UBE2O: variants seen among roughly 807,000 people sequenced by gnomAD.
The protein encoded by UBE2O is (E3-independent) E2 ubiquitin-conjugating enzyme.
In UBE2O, 15 loss-of-function variants were observed where a neutral mutation model predicts 125.8. The ratio of observed to expected loss-of-function variants is 0.12; its 90% CI spans 0.08 to 0.18. The LOEUF (loss-of-function observed/expected upper bound fraction) is 0.18. Among genes scored for constraint, UBE2O ranks in the 10% least tolerant of loss-of-function variants. UBE2O has a pLI of 1.00. For synonymous variants in UBE2O, 708 were observed against 703.2 expected (o/e 1.01, Z -0.11); for missense variants, 1,280 against 1,723.6 (o/e 0.74, Z 4.56).
intron 1 of UBE2O, among the ~76,000 whole-genome samples, chr17:76,425,090 C>G (rs1187488349): frequency 6.6e-6 from 1 of 151,520 alleles, no homozygotes; most frequent in Non-Finnish European, 1.5e-5. Flanking sequence ...CCAGGATGGT[C>G]TCGATCTCCT....
At chr17:76,439,512 C>T (rs778108432) in intron 1 of UBE2O, among the ~76,000 whole-genome samples, 7 of 152,190 alleles carry the variant, frequency 4.6e-5, no homozygotes, top group East Asian at 1.9e-4. Context: ...TGTGTGATGA[C>T]GTCACTGCTC....
intron 15 of UBE2O, 102 bp from the exon 16 acceptor site, chr17:76,392,215 T>G: frequency 1.4e-6 from 1 of 706,650 alleles, no homozygotes; most frequent in Non-Finnish European, 2.2e-6. Context: ...CAGGACACTG[T>G]GCAGATCACG....
chr17:76,420,426 T>C (rs2072690108), intron 1 of UBE2O, among the ~76,000 whole-genome samples: 1 of 152,166 alleles, frequency 6.6e-6, no homozygotes, highest in Non-Finnish European at 1.5e-5. Flanking sequence ...TCCTAATACC[T>C]GTGATTTTAG....
Position 76,400,410 on chromosome 17 carries a change from C to A in UBE2O, c.1004+31G>T. ...CCCAGAGCCCTGTCCCACGCGTGCC[C>A]CTGGGTTGCTGGCAGTAAGGGCATG... is the stretch of plus-strand genomic sequence containing the variant. On this transcript the variant is annotated intron_variant, in intron 7 of 17. Transcript: ENST00000319380. This position sits in a 1 kb window ranked among gnomAD's most constrained non-coding sequence, Gnocchi z 4.3. The A allele has an allele frequency of 6.2e-7, 1 of 1,601,806 alleles. No individual in the cohort carries two copies. Among genetic ancestry groups the A allele is most frequent in the Non-Finnish European group, 8.5e-7 (1 of 1,172,490 alleles).
intron 15 of UBE2O, among the ~76,000 whole-genome samples, 182 bp from the exon 16 acceptor site, chr17:76,392,295 C>T (rs1030384584): frequency 1.3e-5 from 2 of 152,048 alleles, no homozygotes; most frequent in Admixed American, 6.6e-5. Flanking sequence ...TCTCTCTCTG[C>T]AGAACAGCCT....
chr17:76,438,958 C>T (rs1452667622), intron 1 of UBE2O, among the ~76,000 whole-genome samples: 2 of 152,192 alleles, frequency 1.3e-5, no homozygotes, highest in Non-Finnish European at 2.9e-5. Flanking sequence ...GGCTTCCTAG[C>T]TCCCCACATT....
In UBE2O at chr17:76,452,716, C is replaced by T; in HGVS notation, c.417+9G>A. The T allele has an allele frequency of 1.4e-6, 2 of 1,400,902 alleles. No homozygotes were observed. Among genetic ancestry groups the T allele is most frequent in the Non-Finnish European group, 1.8e-6 (2 of 1,087,046 alleles). 86.8% of individuals were successfully genotyped at this position (1,400,902 alleles called of 1,614,324 possible). A position where few individuals can be genotyped will look rare whatever the true frequency, so the allele number is the denominator to read the frequency against. ...GCCGCCCGCGCCGCCCAGCCCCCGCCCGCCGCACCTTGGTCTCCTTCACAT... is the reference window on the plus strand; with the variant it reads ...GCCGCCCGCGCCGCCCAGCCCCCGCTCGCCGCACCTTGGTCTCCTTCACAT... On this transcript the variant is annotated intron_variant, in intron 1 of 17. Transcript: ENST00000319380. This position sits in a 1 kb window ranked among gnomAD's most constrained non-coding sequence, Gnocchi z 4.4.
At chr17:76,392,343 C>G (rs2072127830) in intron 15 of UBE2O, among the ~76,000 whole-genome samples, 1 of 151,882 alleles carries the variant, frequency 6.6e-6, no homozygotes, top group African/African-American at 2.4e-5. Context: ...TTGCTGTGTC[C>G]CCCAGGCTGG....
In UBE2O at chr17:76,391,684, AG is replaced by A. The variant is rs202124321; in HGVS notation, c.3208+71del. The A allele has an allele frequency of 1.4e-3, 2,322 of 1,605,268 alleles. 33 individuals carry two copies. The African/African-American group carries it at 0.026, about 18-fold the overall frequency. On this transcript the variant is annotated intron_variant, in intron 17 of 17. Transcript: ENST00000319380. The surrounding 1 kb of genome is among the most constrained non-coding windows in gnomAD (Gnocchi z 8.4). ...AATGCAGGCCTACCCTCCACCTGCC[AG>A]GGGGACTATCAGAGTCACTTTCCTC...
chr17:76,440,621 C>A (rs1419941803), intron 1 of UBE2O, among the ~76,000 whole-genome samples: 1 of 152,226 alleles, frequency 6.6e-6, no homozygotes, highest in East Asian at 1.9e-4. Context: ...AGCCACCATG[C>A]CTGGCCTCTA....
Position 76,396,482 on chromosome 17 carries a change from T to C in UBE2O, c.2455A>G (p.Lys819Glu). 1 of 1,613,994 alleles carries C rather than the reference T, an allele frequency of 6.2e-7. No homozygotes were observed. Among genetic ancestry groups the C allele is most frequent in the Non-Finnish European group, 8.5e-7 (1 of 1,179,978 alleles). The part of the protein sequence containing the change: ...KSFRELKEAI[K>E]ILESLKNMTV... ...ATGTTCTTGAGGCTCTCCAGGATCT[T>C]GATGGCCTCTTTCAACTCCCGGAAG... Residue 819 changes from lysine (K) to glutamate (E), a missense_variant, in exon 14 of 18, where the codon AAG becomes GAG. By Grantham distance (56) the Lys-to-Glu change is moderately conservative. Transcript: ENST00000319380. This position sits in a 1 kb window ranked among gnomAD's most constrained non-coding sequence, Gnocchi z 6.7.
chr17:76,450,602 G>C (rs1473840987), intron 1 of UBE2O, among the ~76,000 whole-genome samples: 1 of 151,540 alleles, frequency 6.6e-6, no homozygotes, highest in Non-Finnish European at 1.5e-5. Context: ...ATCCAAAGTG[G>C]TGCCTCAAAG....
chr17:76,437,622 C>T (rs920650315), intron 1 of UBE2O, among the ~76,000 whole-genome samples: 5 of 152,186 alleles, frequency 3.3e-5, no homozygotes, highest in African/African-American at 1.2e-4. Context: ...ACCACAATGC[C>T]CAGGCTGGCC....
intron 1 of UBE2O, among the ~76,000 whole-genome samples, chr17:76,442,063 C>A (rs1236887585): frequency 2.0e-5 from 3 of 150,790 alleles, no homozygotes; most frequent in Non-Finnish European, 3.0e-5. Context: ...GTGGAATCTG[C>A]CATTTGTCAA....
chr17:76,409,117 C>T (rs908506221), intron 1 of UBE2O, among the ~76,000 whole-genome samples: 5 of 151,606 alleles, frequency 3.3e-5, no homozygotes, highest in East Asian at 2.0e-4. Flanking sequence ...TACAGGCGCC[C>T]GCCACCACGC....
intron 1 of UBE2O, among the ~76,000 whole-genome samples, chr17:76,409,669 C>T (rs1389954936): frequency 6.6e-6 from 1 of 152,216 alleles, no homozygotes; most frequent in African/African-American, 2.4e-5. Context: ...GCTGGGATTA[C>T]AGGCGTGAGC....
chr17:76,402,278 C>T lies in UBE2O; in HGVS notation c.687-151G>A. ...AGCCCGAGGTAGTACAAGAAACTCT[C>T]CCACAACGAACAAGACCCCAAGTGC... On this transcript the variant is annotated intron_variant, in intron 4 of 17. Coordinates refer to ENST00000319380, the MANE Select transcript of UBE2O (RefSeq NM_022066.4). This position sits in a 1 kb window ranked among gnomAD's most constrained non-coding sequence, Gnocchi z 5.4. The T allele has an allele frequency of 4.1e-6, 3 of 727,726 alleles. No individual in the cohort carries two copies. The highest frequency in any genetic ancestry group is 1.8e-5 in the South Asian group (1 of 54,124). 45.1% of individuals were successfully genotyped at this position (727,726 alleles called of 1,614,324 possible).
chr17:76,409,281 T>C (rs2072477427), intron 1 of UBE2O, among the ~76,000 whole-genome samples: 1 of 151,976 alleles, frequency 6.6e-6, no homozygotes, highest in South Asian at 2.1e-4. Flanking sequence ...TGTCTATTTC[T>C]TAGAGAGTCG....
At chr17:76,392,723 C>T (rs549456312) in intron 15 of UBE2O, among the ~76,000 whole-genome samples, 3 of 151,372 alleles carry the variant, frequency 2.0e-5, no homozygotes, top group East Asian at 2.0e-4. Context: ...GAGGCCGAGA[C>T]GGGTGGATCA....
Sources: allele counts gnomAD v4.1 joint callset (sites outside exome capture counted in the v4.1 genomes callset), GRCh38; gene constraint gnomAD v4.1.1; non-coding constraint Gnocchi (gnomAD v3.1); transcripts MANE v1.5; gene names NCBI Gene and HGNC (gene_info 2026-07-23, HGNC 2026-07-21).